Variants in PSMA1 observed in about 807,000 individuals in gnomAD.
PSMA1 encodes the protein proteasome subunit alpha type-1.
In PSMA1, 3 loss-of-function variants were observed where a neutral mutation model predicts 38.4. The observed-to-expected ratio is 0.08, with a 90% CI of 0.04 to 0.20. PSMA1 has a LOEUF of 0.20. Ranked by LOEUF, PSMA1 falls within the 10% of genes least tolerant of loss-of-function variation. The pLI is 1.00. For synonymous variants in PSMA1, 101 were observed against 107.1 expected, an observed-to-expected ratio of 0.94 and a Z score of 0.35; for missense variants, 227 against 325.3, an observed-to-expected ratio of 0.70 and a Z score of 2.32.
chr11:14,613,935 G>A (rs1297439170), intron 1 of PSMA1, among the ~76,000 whole-genome samples: 1 of 152,194 alleles, frequency 6.6e-6, no homozygotes, highest in Admixed American at 6.5e-5. Flanking sequence ...ATCACACTCT[G>A]CTGCTTTCAT....
At chr11:14,572,682 G>A (rs980531918) in intron 2 of PSMA1, among the ~76,000 whole-genome samples, 3 of 152,222 alleles carry the variant, frequency 2.0e-5, no homozygotes, top group East Asian at 1.9e-4. Flanking sequence ...AACTGAAGGA[G>A]ATAGAGACAC....
chr11:14,527,185 A>C (rs1439949640), intron 2 of PSMA1, among the ~76,000 whole-genome samples: 1 of 152,168 alleles, frequency 6.6e-6, no homozygotes, highest in Non-Finnish European at 1.5e-5. Context: ...ATCAGATTCC[A>C]TCACTCAGGG....
chr11:14,520,360 G>C lies in PSMA1; in HGVS notation c.-61C>G, dbSNP rs1214478660. 20 of 1,614,164 alleles carry C rather than the reference G, an allele frequency of 1.2e-5. No homozygotes were observed. Among genetic ancestry groups the C allele is most frequent in the Admixed American group, 1.7e-5 (1 of 60,030 alleles). ...AACTGAGAATCAAGGAGGTGCTGCC[G>C]AAAGTATCGCTCAGCGATCTACAGA... On this transcript the variant is annotated 5_prime_UTR_variant, in exon 1 of 10. Transcript: ENST00000396394.
chr11:14,524,997 T>C (rs1565036502), upstream of PSMA1, among the ~76,000 whole-genome samples: 1 of 151,920 alleles, frequency 6.6e-6, no homozygotes, highest in African/African-American at 2.4e-5. Flanking sequence ...CCATCACACT[T>C]ACAGTGGAGG....
chr11:14,639,009 T>C (rs1853164587), intron 1 of PSMA1, among the ~76,000 whole-genome samples: 2 of 152,172 alleles, frequency 1.3e-5, no homozygotes, highest in South Asian at 4.1e-4. Flanking sequence ...GATTTAATAC[T>C]TTTACCAATT....
chr11:14,529,899 G>C (rs1474395997), intron 2 of PSMA1, among the ~76,000 whole-genome samples: 1 of 152,184 alleles, frequency 6.6e-6, no homozygotes, highest in African/African-American at 2.4e-5. Flanking sequence ...GCCTCTGAGA[G>C]TGCAGACTTT....
At chr11:14,560,303 T>C (rs912651310) in intron 2 of PSMA1, among the ~76,000 whole-genome samples, 3 of 152,158 alleles carry the variant, frequency 2.0e-5, no homozygotes, top group Non-Finnish European at 4.4e-5. Context: ...TGGGTAAACT[T>C]ACAAGCAGAA....
At chr11:14,610,666 C>T (rs1369046681) in intron 2 of PSMA1, among the ~76,000 whole-genome samples, 2 of 152,174 alleles carry the variant, frequency 1.3e-5, no homozygotes, top group African/African-American at 4.8e-5. Context: ...TATATCCCTC[C>T]TTTGTCCCAT....
intron 1 of PSMA1, among the ~76,000 whole-genome samples, chr11:14,621,271 CTTTCT>C (rs1395886231): frequency 1.1e-4 from 16 of 151,804 alleles, no homozygotes; most frequent in Admixed American, 6.6e-5. Context: ...CTGAAATTAT[CTTTCT>C]TTTCTTTTCT....
upstream of PSMA1, among the ~76,000 whole-genome samples, chr11:14,523,379 T>C (rs1851550480): frequency 6.6e-6 from 1 of 152,142 alleles, no homozygotes; most frequent in Admixed American, 6.6e-5. Context: ...CAAGCCATCC[T>C]ATTGCCTCAG....
chr11:14,552,968 G>C (rs1310366956), intron 2 of PSMA1, among the ~76,000 whole-genome samples: 3 of 151,538 alleles, frequency 2.0e-5, no homozygotes, highest in Admixed American at 1.3e-4. Flanking sequence ...CTGGGACTAA[G>C]GCATGCATCA....
chr11:14,614,290 G>GT (rs1446499679), intron 1 of PSMA1, among the ~76,000 whole-genome samples: 1 of 151,998 alleles, frequency 6.6e-6, no homozygotes, highest in Non-Finnish European at 1.5e-5. Flanking sequence ...AGTGTCATCA[G>GT]TGGATTTATT....
chr11:14,592,454 C>T (rs961551537), intron 2 of PSMA1, among the ~76,000 whole-genome samples: 1 of 151,764 alleles, frequency 6.6e-6, no homozygotes, highest in African/African-American at 2.4e-5. Context: ...GGTGCAATCT[C>T]TGCTCACTGC....
chr11:14,582,168 A>C (rs930870037), intron 2 of PSMA1, among the ~76,000 whole-genome samples: 1 of 152,260 alleles, frequency 6.6e-6, no homozygotes, highest in African/African-American at 2.4e-5. Flanking sequence ...TAATTAAAAA[A>C]AATACAAATT....
upstream of PSMA1, among the ~76,000 whole-genome samples, chr11:14,522,212 T>C (rs1851538457): frequency 2.0e-5 from 3 of 152,356 alleles, no homozygotes; most frequent in Middle Eastern, 3.4e-3. Flanking sequence ...TAATGGTCTA[T>C]ATTATTTTCA....
upstream of PSMA1, among the ~76,000 whole-genome samples, chr11:14,521,514 G>A (rs1252233710): frequency 6.6e-6 from 1 of 150,514 alleles, no homozygotes; most frequent in African/African-American, 2.4e-5. Flanking sequence ...AGCCGGGCGC[G>A]GTGGCTCACG....
chr11:14,584,355 G>T (rs778508129), intron 2 of PSMA1, among the ~76,000 whole-genome samples: 2 of 152,126 alleles, frequency 1.3e-5, no homozygotes, highest in South Asian at 4.2e-4. Flanking sequence ...CACGCTATTC[G>T]CAGGCTTTTC....
chr11:14,535,736 C>T (rs775392861), intron 2 of PSMA1, among the ~76,000 whole-genome samples: 29 of 152,120 alleles, frequency 1.9e-4, no homozygotes, highest in Non-Finnish European at 3.8e-4. Flanking sequence ...TGAGCCACCC[C>T]ACCCGGCCAT....
At chr11:14,518,134 T>C (rs1851466057) in intron 2 of PSMA1, among the ~76,000 whole-genome samples, 153 bp from the exon 3 acceptor site, 1 of 151,582 alleles carries the variant, frequency 6.6e-6, no homozygotes, top group African/African-American at 2.4e-5. Flanking sequence ...AGGTTCTCAC[T>C]CTGTCACCCA....
Sources: allele counts gnomAD v4.1 joint callset (sites outside exome capture counted in the v4.1 genomes callset), GRCh38; gene constraint gnomAD v4.1.1; transcripts MANE v1.5; gene names NCBI Gene and HGNC (gene_info 2026-07-23, HGNC 2026-07-21).